TANC1: variants seen among roughly 807,000 people sequenced by gnomAD.
TANC1 encodes tetratricopeptide repeat, ankyrin repeat and coiled-coil containing 1.
A neutral mutation model predicts 149.7 loss-of-function variants in TANC1; 77 were observed. The observed-to-expected ratio is 0.51, with a 90% confidence interval of 0.43 to 0.62. The LOEUF (loss-of-function observed/expected upper bound fraction) is 0.62, where lower values mean the gene tolerates loss of function less well. Among genes scored for constraint, TANC1 ranks in the 20% least tolerant of loss-of-function variants. The pLI, the probability that TANC1 is intolerant of heterozygous loss-of-function variation, is 0.00. For synonymous variants in TANC1, 854 were observed against 925.0 expected, an observed-to-expected ratio of 0.92 and a Z score of 1.39; for missense variants, 1,985 against 2,321.8, an observed-to-expected ratio of 0.85 and a Z score of 2.98.
intron 3 of TANC1, among the ~76,000 whole-genome samples, chr2:159,078,358 C>G (rs1559216366): frequency 6.6e-6 from 1 of 152,144 alleles, no homozygotes; most frequent in South Asian, 2.1e-4. Context: ...CATCTGATAG[C>G]TTACTAGCTA....
chr2:159,064,629 G>A (rs2042513243), intron 2 of TANC1, among the ~76,000 whole-genome samples: 1 of 152,184 alleles, frequency 6.6e-6, no homozygotes, highest in Non-Finnish European at 1.5e-5. Flanking sequence ...TTCTTCATCA[G>A]TAAAACAAAA....
intron 4 of TANC1, among the ~76,000 whole-genome samples, chr2:159,127,719 G>C (rs948904317): frequency 2.4e-4 from 36 of 152,366 alleles, no homozygotes; most frequent in African/African-American, 7.5e-4. Context: ...CAGGGCACGG[G>C]GGGAGGGAGA....
intron 16 of TANC1, among the ~76,000 whole-genome samples, chr2:159,193,592 T>G (rs756991051): frequency 3.3e-5 from 5 of 152,158 alleles, no homozygotes; most frequent in Non-Finnish European, 5.9e-5. Context: ...TGGTGCAATC[T>G]CAGCTCACTG....
At chr2:159,206,415 C>T (rs1205329793) in intron 19 of TANC1, among the ~76,000 whole-genome samples, 2 of 152,164 alleles carry the variant, frequency 1.3e-5, no homozygotes, top group Non-Finnish European at 2.9e-5. Flanking sequence ...CTCCTCTCTG[C>T]GAAGAAGGCA....
intron 7 of TANC1, among the ~76,000 whole-genome samples, chr2:159,159,705 TGTGTGTGTGTGTGAGAGAGAGAGA>T (rs2053816732): frequency 1.6e-5 from 1 of 62,956 alleles, no homozygotes; most frequent in Non-Finnish European, 3.5e-5. Flanking sequence ...TGTGTGTGTG[TGTGTGTGTGTGTGAGAGAGAGAGA>T]GAGAGAGAGA....
intron 26 of TANC1, 71 bp from the exon 27 acceptor site, chr2:159,229,506 CT>C: frequency 7.8e-7 from 1 of 1,274,106 alleles, no homozygotes; most frequent in South Asian, 1.4e-5. Flanking sequence ...GAGCACAGCT[CT>C]TTTATGAACA....
Position 159,219,714 on chromosome 2 carries a change from C to T in TANC1, c.3525C>T (p.Asp1175=), listed in dbSNP as rs375756889. 50 of 1,614,058 alleles carry T rather than the reference C, an allele frequency of 3.1e-5. No homozygotes were observed. Among genetic ancestry groups the T allele is most frequent in the Non-Finnish European group, 4.2e-5 (49 of 1,180,056 alleles). The change falls in exon 22 of 27, where the codon GAC becomes GAT. Residue 1175 remains aspartate, a synonymous_variant. Coordinates refer to ENST00000263635, the MANE Select transcript of TANC1 (RefSeq NM_033394.3). The stretch of plus-strand genomic sequence containing the variant: ...CAGGTGCAGCCCTTTCTTCTCTAGA[C>T]AAAGAGGGTCTGTCAGCATTAAGCT... ...LSKGAALSSL[D]KEGLSALSWA... is the part of the protein sequence containing the mutation.
At chr2:159,100,837 T>A (rs2046611638) in intron 4 of TANC1, among the ~76,000 whole-genome samples, 1 of 152,092 alleles carries the variant, frequency 6.6e-6, no homozygotes, top group Non-Finnish European at 1.5e-5. Context: ...GGTAAAAGTA[T>A]CCAGAGCTCT....
chr2:159,193,263 C>T (rs939139301), intron 16 of TANC1, among the ~76,000 whole-genome samples: 2 of 152,154 alleles, frequency 1.3e-5, no homozygotes, highest in African/African-American at 2.4e-5. Context: ...TTCACTTCCC[C>T]GAGGTTTACC....
chr2:159,073,110 C>T (rs1016047196), intron 3 of TANC1, among the ~76,000 whole-genome samples: 18 of 152,168 alleles, frequency 1.2e-4, no homozygotes, highest in African/African-American at 4.3e-4. Context: ...CGGGAGTTGG[C>T]AAGCAGTTTC....
intron 3 of TANC1, among the ~76,000 whole-genome samples, chr2:159,094,525 C>T (rs538721377): frequency 1.1e-4 from 16 of 152,278 alleles, no homozygotes; most frequent in South Asian, 8.3e-4. Flanking sequence ...AGAGGGCATC[C>T]GGCTCCACTG....
intron 1 of TANC1, among the ~76,000 whole-genome samples, chr2:158,989,710 A>G (rs931726004): frequency 1.2e-4 from 18 of 151,650 alleles, no homozygotes; most frequent in African/African-American, 4.4e-4. Flanking sequence ...TCGTGCCCTT[A>G]GAGTATCCAT....
intron 4 of TANC1, among the ~76,000 whole-genome samples, chr2:159,115,867 G>T (rs1462709128): frequency 1.3e-5 from 2 of 152,132 alleles, no homozygotes; most frequent in African/African-American, 4.8e-5. Context: ...TAGAATTTCA[G>T]CCCTCGTTGG....
At chr2:159,229,436 A>G in intron 26 of TANC1, 142 bp from the exon 27 acceptor site, 1 of 695,092 alleles carries the variant, frequency 1.4e-6, no homozygotes, top group Non-Finnish European at 2.4e-6. Flanking sequence ...GGGCTGGTTA[A>G]GTGGGTCCTG....
chr2:159,004,037 G>C (rs552577627), intron 2 of TANC1: 1 of 1,612,306 alleles, frequency 6.2e-7, no homozygotes, highest in African/African-American at 1.3e-5. Flanking sequence ...AAGATGATGG[G>C]ACAGTTATTC....
chr2:159,098,044 T>G (rs2046313630), intron 4 of TANC1, among the ~76,000 whole-genome samples: 1 of 152,114 alleles, frequency 6.6e-6, no homozygotes, highest in African/African-American at 2.4e-5. Context: ...AGGCTAGATT[T>G]TTATAAAGAT....
In TANC1 at chr2:159,136,051, C is replaced by A. The variant is rs201138747; in HGVS notation, c.260-143C>A. Reference sequence around the variant, plus strand: ...GTGTGTGTGTGTGTGTGTGTGTGTGCGCGCGCGCGCGTTTAAGGGAGGGGA... The same window carrying A: ...GTGTGTGTGTGTGTGTGTGTGTGTGAGCGCGCGCGCGTTTAAGGGAGGGGA... On this transcript the variant is annotated intron_variant, in intron 4 of 26. Coordinates refer to ENST00000263635, the MANE Select transcript of TANC1 (RefSeq NM_033394.3). 27 of 126,892 alleles carry A rather than the reference C, an allele frequency of 2.1e-4. 4 individuals are homozygous for A. Among genetic ancestry groups the A allele is most frequent in the Non-Finnish European group, 3.8e-4 (23 of 61,242 alleles). The allele number at this position is 126,892 out of a possible 1,614,324, so 7.9% of individuals were successfully genotyped here. A position where few individuals can be genotyped will look rare whatever the true frequency, so the allele number is the denominator to read the frequency against.
intron 1 of TANC1, among the ~76,000 whole-genome samples, chr2:158,995,884 G>A (rs2036089351): frequency 6.6e-6 from 1 of 152,176 alleles, no homozygotes; most frequent in South Asian, 2.1e-4. Context: ...GCCGTGCCCT[G>A]TGCATCTCTG....
chr2:159,197,604 A>AAC (rs35552387), intron 18 of TANC1, among the ~76,000 whole-genome samples: 5,282 of 143,764 alleles, frequency 0.037, 192 homozygotes, highest in East Asian at 0.17. Context: ...TTAAACATTA[A>AAC]ACACACACAC....
Sources: allele counts gnomAD v4.1 joint callset (sites outside exome capture counted in the v4.1 genomes callset), GRCh38; gene constraint gnomAD v4.1.1; transcripts MANE v1.5; gene names NCBI Gene and HGNC (gene_info 2026-07-23, HGNC 2026-07-21).